Variants in ITPR1 observed in about 807,000 individuals in gnomAD.
ITPR1 encodes inositol 1,4,5-trisphosphate receptor type 1, also known as inositol 1,4,5-trisphosphate-gated calcium channel ITPR1.
A neutral mutation model predicts 318.4 loss-of-function variants in ITPR1; 96 were observed. That is an observed-to-expected ratio of 0.30 (90% CI 0.26 to 0.36). The LOEUF is 0.36. Ranked by LOEUF, ITPR1 falls within the 10% of genes least tolerant of loss-of-function variation. ITPR1 has a pLI of 1.00. For synonymous variants in ITPR1, 1,312 were observed against 1,289.9 expected, an observed-to-expected ratio of 1.02 and a Z score of -0.37; for missense variants, 2,440 against 3,460.2, an observed-to-expected ratio of 0.71 and a Z score of 7.40.
At position 4,674,387 on chromosome 3, in the gene ITPR1, G is replaced by A. The variant is rs189933071; in HGVS notation, c.2598+44G>A. On this transcript the variant is annotated intron_variant, in intron 22 of 61. Transcript: ENST00000649015. ...TTCTATGTGTATTATCTGCCTCTCA[G>A]TGGTCATTTTTCTATGGGGCAAATA... The A allele has an allele frequency of 9.8e-6, 15 of 1,530,064 alleles. No homozygotes were observed. In the Admixed American group the frequency reaches 3.1e-4, roughly 31 times the overall value. The allele number at this position is 1,530,064 out of a possible 1,614,324, so 94.8% of individuals were successfully genotyped here.
At chr3:4,514,920 ATGAC>A (rs1452444642) in intron 2 of ITPR1, among the ~76,000 whole-genome samples, 5 of 152,238 alleles carry the variant, frequency 3.3e-5, no homozygotes, top group African/African-American at 1.2e-4. Context: ...GAATTAAACA[ATGAC>A]TGACATGATT....
chr3:4,657,583 T>G (rs2093741922), intron 12 of ITPR1, among the ~76,000 whole-genome samples: 1 of 152,102 alleles, frequency 6.6e-6, no homozygotes, highest in Admixed American at 6.5e-5. Context: ...TTCTTCTGTT[T>G]CAGCTTCCCA....
chr3:4,716,009 A>G (rs1174081795), intron 39 of ITPR1, among the ~76,000 whole-genome samples: 1 of 152,254 alleles, frequency 6.6e-6, no homozygotes, highest in Non-Finnish European at 1.5e-5. Flanking sequence ...TATACTTCTC[A>G]GATCGTTAAA....
intron 4 of ITPR1, among the ~76,000 whole-genome samples, chr3:4,523,835 G>A (rs749711641): frequency 4.6e-5 from 7 of 152,188 alleles, no homozygotes; most frequent in Admixed American, 2.6e-4. Flanking sequence ...TTTCTGGCAC[G>A]ACTGTAAAGG....
At chr3:4,690,342 T>A (rs2094460918) in intron 31 of ITPR1, among the ~76,000 whole-genome samples, 1 of 152,198 alleles carries the variant, frequency 6.6e-6, no homozygotes, top group South Asian at 2.1e-4. Context: ...TTGGAGAGGA[T>A]ATCCAAATGG....
At chr3:4,718,466 A>C (rs757660646) in intron 40 of ITPR1, among the ~76,000 whole-genome samples, 9 of 152,232 alleles carry the variant, frequency 5.9e-5, no homozygotes, top group Non-Finnish European at 1.0e-4. Context: ...GATATCCCTA[A>C]GGAGGGTTTG....
At chr3:4,636,245 T>G (rs2093186316) in intron 5 of ITPR1, among the ~76,000 whole-genome samples, 1 of 152,212 alleles carries the variant, frequency 6.6e-6, no homozygotes, top group Non-Finnish European at 1.5e-5. Flanking sequence ...ATGGGAAGTT[T>G]TCTCCTTAAT....
At chr3:4,517,097 T>A (rs2082224107) in intron 3 of ITPR1, among the ~76,000 whole-genome samples, 1 of 152,242 alleles carries the variant, frequency 6.6e-6, no homozygotes. Context: ...TAAAGTTCTA[T>A]AAATCAGATT....
At chr3:4,504,260 G>GA (rs1229414816) in intron 2 of ITPR1, among the ~76,000 whole-genome samples, 1 of 152,144 alleles carries the variant, frequency 6.6e-6, no homozygotes, top group Non-Finnish European at 1.5e-5. Flanking sequence ...AGACATGTCT[G>GA]AAAAAGCGAG....
intron 4 of ITPR1, among the ~76,000 whole-genome samples, chr3:4,569,166 A>G (rs1231112876): frequency 2.0e-5 from 3 of 152,168 alleles, no homozygotes; most frequent in South Asian, 2.1e-4. Flanking sequence ...TTCAAGGCGC[A>G]TGGACTTTTA....
chr3:4,730,371 ATGTG>A (rs369249391), intron 42 of ITPR1, among the ~76,000 whole-genome samples: 719 of 57,354 alleles, frequency 0.013, 12 homozygotes, highest in African/African-American at 0.036. Flanking sequence ...GTTGGGTGGA[ATGTG>A]TGTGTGTGTG....
rs376805768 is a variant in ITPR1 at position 4,670,909 on chromosome 3, C to T, written c.2187C>T (p.Asp729=). 1.2e-4 allele frequency: 184 copies of T among 1,589,988 alleles called. No homozygotes were observed. Among genetic ancestry groups the T allele is most frequent in the Admixed American group, 1.4e-4 (8 of 57,840 alleles). The part of the protein sequence containing the change: ...DAKEGQKEDR[D]VLSYYRYQLN... ...AAGAAGGGCAGAAGGAGGACCGAGA[C>T]GTTCTCAGCTACTACAGGTGCGTGG... The change falls in exon 20 of 62, where the codon GAC becomes GAT. Residue 729 remains aspartate, a synonymous_variant. Coordinates refer to ENST00000649015, the MANE Select transcript of ITPR1 (RefSeq NM_001378452.1).
rs1465437024 is a variant in ITPR1 at position 4,847,409 on chromosome 3, AC to A, written c.*1185del. On this transcript the variant is annotated 3_prime_UTR_variant, in exon 62 of 62. Coordinates refer to ENST00000649015, the MANE Select transcript of ITPR1 (RefSeq NM_001378452.1). ...GAATCTCTCTGCAAAAAAAAAAAAA[AC>A]AGTTTAAAAATGCATTGAAAGCAGA... The A allele has an allele frequency of 8.3e-4, 126 of 151,734 alleles. 2 individuals are homozygous for A. Among genetic ancestry groups the A allele is most frequent in the African/African-American group, 2.8e-3 (116 of 41,156 alleles). The allele number at this position is 151,734 out of a possible 1,614,324, so 9.4% of individuals were successfully genotyped here.
chr3:4,635,264 G>A (rs906900196), intron 5 of ITPR1, among the ~76,000 whole-genome samples: 2 of 152,262 alleles, frequency 1.3e-5, no homozygotes, highest in Non-Finnish European at 2.9e-5. Flanking sequence ...GTTATGTTGA[G>A]TGAAAAGTTT....
intron 46 of ITPR1, among the ~76,000 whole-genome samples, chr3:4,774,857 C>G (rs2046391827): frequency 6.6e-6 from 1 of 152,220 alleles, no homozygotes; most frequent in Admixed American, 6.5e-5. Flanking sequence ...AAACCATCAT[C>G]TTTAAACAAA....
chr3:4,651,631 A>G (rs2093601705), intron 10 of ITPR1, among the ~76,000 whole-genome samples: 1 of 152,246 alleles, frequency 6.6e-6, no homozygotes, highest in Admixed American at 6.5e-5. Context: ...TTATGGCACC[A>G]ACTACCACTG....
chr3:4,556,956 C>T (rs1023276810), intron 4 of ITPR1, among the ~76,000 whole-genome samples: 12 of 152,114 alleles, frequency 7.9e-5, no homozygotes, highest in African/African-American at 2.4e-4. Context: ...GTTTCGTATG[C>T]AGTCTCTCAT....
intron 2 of ITPR1, among the ~76,000 whole-genome samples, chr3:4,508,455 GTTTT>G (rs4054897): frequency 8.0e-6 from 1 of 125,760 alleles, no homozygotes; most frequent in Non-Finnish European, 1.6e-5. Context: ...GAAAATCAAG[GTTTT>G]TTTTTTTTTT....
intron 61 of ITPR1, among the ~76,000 whole-genome samples, chr3:4,839,695 T>C (rs1449971850): frequency 6.6e-6 from 1 of 152,234 alleles, no homozygotes; most frequent in Non-Finnish European, 1.5e-5. Context: ...CAAGATAAGA[T>C]TATTCTGGAT....
Sources: allele counts gnomAD v4.1 joint callset (sites outside exome capture counted in the v4.1 genomes callset), GRCh38; gene constraint gnomAD v4.1.1; transcripts MANE v1.5; gene names NCBI Gene and HGNC (gene_info 2026-07-23, HGNC 2026-07-21).